The following CCDC171 variants were observed in gnomAD, a reference collection of about 807,000 sequenced individuals.
The protein encoded by CCDC171 is coiled-coil domain-containing protein 171.
A neutral mutation model predicts 168.2 loss-of-function variants in CCDC171; 177 were observed. The ratio of observed to expected loss-of-function variants is 1.05; its 90% CI spans 0.93 to 1.19. The LOEUF is 1.19. Ranked by LOEUF, CCDC171 falls within the 50% of genes most tolerant of loss-of-function variation. The pLI is 0.00. For synonymous variants in CCDC171, 687 were observed against 540.8 expected, an observed-to-expected ratio of 1.27 and a Z score of -3.75; for missense variants, 1,991 against 1,539.0, an observed-to-expected ratio of 1.29 and a Z score of -4.91.
At chr9:15,682,911 T>C (rs140586516) in intron 10 of CCDC171, among the ~76,000 whole-genome samples, 2 of 152,062 alleles carry the variant, frequency 1.3e-5, no homozygotes, top group African/African-American at 4.8e-5. Context: ...TGACTGATCA[T>C]GCTTATTAAA....
intron 22 of CCDC171, among the ~76,000 whole-genome samples, chr9:15,848,237 G>C (rs772087215): frequency 1.3e-5 from 2 of 151,926 alleles, no homozygotes; most frequent in Non-Finnish European, 2.9e-5. Context: ...TTGAAATCTG[G>C]AGACTAATAC....
rs568309899 is a variant in CCDC171, at chr9:15,691,832, C to T, written c.1216-3403C>T. Among the ~76,000 whole-genome samples, 6 of 152,028 alleles carry T rather than the reference C, an allele frequency of 3.9e-5. No homozygotes were observed. The East Asian group carries it at 7.8e-4, about 20-fold the overall frequency. ...ACTGGGACCTACAGGCATGTGCCAC[C>T]ATGGCTGTCTGGTTTTTCATTTTTT... On this transcript the variant is annotated intron_variant, in intron 10 of 25. Coordinates refer to ENST00000380701, the MANE Select transcript of CCDC171 (RefSeq NM_173550.4).
chr9:15,856,785 T>A (rs1037776323), intron 23 of CCDC171, among the ~76,000 whole-genome samples: 1 of 152,026 alleles, frequency 6.6e-6, no homozygotes, highest in African/African-American at 2.4e-5. Flanking sequence ...TCTCCATACT[T>A]TTTTTCCAGA....
chr9:15,597,697 T>C (rs910639455), intron 6 of CCDC171, among the ~76,000 whole-genome samples: 3 of 152,194 alleles, frequency 2.0e-5, no homozygotes, highest in Admixed American at 6.5e-5. Flanking sequence ...TTTCTATTGA[T>C]TGGAATAGTT....
At chr9:15,904,002 G>T (rs1456874474) in intron 24 of CCDC171, among the ~76,000 whole-genome samples, 5 of 152,142 alleles carry the variant, frequency 3.3e-5, no homozygotes, top group Non-Finnish European at 7.3e-5. Flanking sequence ...AACAAACAAA[G>T]CCTCCAAGAA....
intron 16 of CCDC171, among the ~76,000 whole-genome samples, chr9:15,738,323 A>C (rs919451540): frequency 2.6e-5 from 4 of 152,198 alleles, no homozygotes; most frequent in Non-Finnish European, 5.9e-5. Context: ...CTTTTTCCAC[A>C]TTATGGATGC....
At chr9:16,065,132 C>A (rs753881375), downstream of CCDC171, among the ~76,000 whole-genome samples, 3 of 152,190 alleles carry the variant, frequency 2.0e-5, no homozygotes, top group Non-Finnish European at 2.9e-5. Flanking sequence ...GAGCAAAGCA[C>A]CTTTCCCATA....
At chr9:15,557,808 C>A (rs1586938487) in intron 1 of CCDC171, among the ~76,000 whole-genome samples, 1 of 152,094 alleles carries the variant, frequency 6.6e-6, no homozygotes, top group Non-Finnish European at 1.5e-5. Context: ...GCATCCCTGT[C>A]TTGTGCCAGT....
chr9:15,578,158 A>G (rs1328983844), intron 3 of CCDC171, among the ~76,000 whole-genome samples: 2 of 152,082 alleles, frequency 1.3e-5, no homozygotes, highest in Non-Finnish European at 2.9e-5. Context: ...GGAGGAGAGG[A>G]AAGAATGAAT....
intron 24 of CCDC171, among the ~76,000 whole-genome samples, chr9:15,910,236 A>C (rs1035128921): frequency 6.6e-6 from 1 of 152,112 alleles, no homozygotes; most frequent in Non-Finnish European, 1.5e-5. Context: ...GTTGACGGAC[A>C]GTTAGGTTGA....
chr9:15,913,942 G>T (rs980547735), intron 24 of CCDC171, among the ~76,000 whole-genome samples: 2 of 152,222 alleles, frequency 1.3e-5, no homozygotes, highest in African/African-American at 4.8e-5. Flanking sequence ...TTCCACTCCA[G>T]ACCCTGTTTG....
intron 18 of CCDC171, 118 bp downstream of exon 18, chr9:15,745,749 AT>A: frequency 3.4e-6 from 2 of 586,046 alleles, no homozygotes; most frequent in Non-Finnish European, 5.8e-6. Context: ...TTTTATCTTT[AT>A]TTTATTCAGT....
chr9:15,582,914 C>T lies in CCDC171; in HGVS notation c.352+3891C>T, dbSNP rs550832163. Among the ~76,000 whole-genome samples, 178 of 148,034 alleles carry T rather than the reference C, an allele frequency of 1.2e-3. 1 individual carries two copies. The highest frequency in any genetic ancestry group is 4.2e-3 in the African/African-American group (166 of 39,918). On this transcript the variant is annotated intron_variant, in intron 4 of 25. Coordinates refer to ENST00000380701, the MANE Select transcript of CCDC171 (RefSeq NM_173550.4). ...ACCTGCACATTCTGCACATGTATCT[C>T]GGAACTTAAAGTATTAAAAAAAAAA...
At chr9:15,904,799 T>C (rs1589065457) in intron 24 of CCDC171, among the ~76,000 whole-genome samples, 1 of 151,596 alleles carries the variant, frequency 6.6e-6, no homozygotes, top group Non-Finnish European at 1.5e-5. Context: ...GAGACACACA[T>C]AGGCTCAAAA....
chr9:16,037,232 A>G (rs1045149081), intron 8 of CCDC171, among the ~76,000 whole-genome samples: 4 of 152,248 alleles, frequency 2.6e-5, no homozygotes, highest in African/African-American at 9.6e-5. Flanking sequence ...TTGTACACAT[A>G]TATGAAAATG....
In CCDC171 at chr9:15,754,399, A is replaced by G. The variant is rs35319990; in HGVS notation, c.2671+8768A>G. On this transcript the variant is annotated intron_variant, in intron 18 of 25. Coordinates refer to ENST00000380701, the MANE Select transcript of CCDC171 (RefSeq NM_173550.4). The stretch of plus-strand genomic sequence containing the variant: ...TTCCTCCTGGATGTTCCAAGGATTT[A>G]GTGAGATAATACTTTTTGAGCATTG... Among the ~76,000 whole-genome samples the G allele has an allele frequency of 8.2e-4, 125 of 152,248 alleles. 1 individual carries two copies. In the East Asian group the frequency reaches 0.02, roughly 25 times the overall value.
intron 7 of CCDC171, among the ~76,000 whole-genome samples, chr9:15,654,766 T>G (rs1234343249): frequency 6.6e-6 from 1 of 152,136 alleles, no homozygotes; most frequent in Non-Finnish European, 1.5e-5. Flanking sequence ...ACTCAGGTAC[T>G]GGGTTCATCT....
intron 25 of CCDC171, among the ~76,000 whole-genome samples, chr9:15,968,284 TA>T (rs1830998913): frequency 1.3e-5 from 2 of 152,220 alleles, no homozygotes. Flanking sequence ...TCAGCAGTTT[TA>T]AAAGTAGTTT....
intron 4 of CCDC171, among the ~76,000 whole-genome samples, chr9:15,590,788 T>TCTTC (rs1241230954): frequency 1.3e-4 from 7 of 53,462 alleles, no homozygotes; most frequent in African/African-American, 3.3e-4. Flanking sequence ...TTTCTTTCTT[T>TCTTC]CTTTCTTTCT....
Sources: gnomAD v4.1 joint callset for allele counts (sites outside exome capture counted in the v4.1 genomes callset) on GRCh38, gnomAD v4.1.1 for gene constraint, MANE v1.5 for transcripts, NCBI Gene and HGNC (gene_info 2026-07-23, HGNC 2026-07-21) for gene names.